SPAST: variants seen among roughly 807,000 people sequenced by gnomAD.
The protein encoded by SPAST is spastic paraplegia 4 (autosomal dominant; spastin).
In SPAST, 30 loss-of-function variants were observed where a neutral mutation model predicts 76.6. The ratio of observed to expected loss-of-function variants is 0.39; its 90% CI spans 0.29 to 0.53. The LOEUF is 0.53. SPAST is among the 20% of genes least tolerant of loss of function. The pLI is 0.68. For synonymous variants in SPAST, 305 were observed against 281.0 expected (o/e 1.09, Z -0.86); for missense variants, 717 against 770.5 (o/e 0.93, Z 0.82).
At chr2:32,123,155 A>G (rs935780749) in intron 7 of SPAST, among the ~76,000 whole-genome samples, 1 of 151,970 alleles carries the variant, frequency 6.6e-6, no homozygotes, top group East Asian at 1.9e-4. Flanking sequence ...TCAGCTACTC[A>G]GGAGGCTGAG....
intron 1 of SPAST, among the ~76,000 whole-genome samples, chr2:32,070,710 G>A (rs1321157661): frequency 6.6e-6 from 1 of 152,130 alleles, no homozygotes; most frequent in African/African-American, 2.4e-5. Flanking sequence ...GCTCATTGAA[G>A]CTTCAGCCTC....
rs555545250 is a variant in SPAST, at chr2:32,156,433, A to C, written c.*1937A>C. The stretch of plus-strand genomic sequence containing the variant: ...GACTTTGGAACTCCCTGAATAATAA[A>C]AATGAGAGTTGAGATAAATAGGGGA... On this transcript the variant is annotated 3_prime_UTR_variant, in exon 17 of 17. Transcript: ENST00000315285. 1 of 152,316 alleles carries C rather than the reference A, an allele frequency of 6.6e-6. No homozygotes were observed. Among genetic ancestry groups the C allele is most frequent in the African/African-American group, 2.4e-5 (1 of 41,580 alleles). The allele number at this position is 152,316 out of a possible 1,614,324, so 9.4% of individuals were successfully genotyped here.
intron 1 of SPAST, among the ~76,000 whole-genome samples, chr2:32,083,671 ATAT>A (rs1677327583): frequency 7.2e-6 from 1 of 138,078 alleles, no homozygotes; most frequent in East Asian, 2.0e-4. Context: ...ATATATATAT[ATAT>A]ATTTTTATGC....
rs1678015793 is a variant in SPAST at position 32,098,847 on chromosome 2, A to G, written c.638A>G (p.Asn213Ser). The G allele has an allele frequency of 1.9e-6, 3 of 1,613,942 alleles. No individual in the cohort carries two copies. The highest frequency in any genetic ancestry group is 2.5e-6 in the Non-Finnish European group (3 of 1,179,892). Residue 213 changes from asparagine to serine, a missense_variant, in exon 4 of 17, where the codon AAT becomes AGT. Asn to Ser is a conservative substitution (Grantham distance 46, BLOSUM62 1). Around this residue, in one of 3 missense-constraint regions of SPAST, gnomAD observed 543 missense variants for 445.2 expected, o/e 1.22. Transcript: ENST00000315285. ...TCCAAGTCACAAACGGACGTCTATAATGACAGTACTAACTTGGCATGCCGC... is the reference window on the plus strand; with the variant it reads ...TCCAAGTCACAAACGGACGTCTATAGTGACAGTACTAACTTGGCATGCCGC... ...PFSKSQTDVYNDSTNLACRNG... is the reference protein window; with the variant it reads ...PFSKSQTDVYSDSTNLACRNG...
At chr2:32,072,691 G>C (rs1039990739) in intron 1 of SPAST, among the ~76,000 whole-genome samples, 1 of 152,024 alleles carries the variant, frequency 6.6e-6, no homozygotes, top group Admixed American at 6.6e-5. Context: ...ATTCAATATT[G>C]TACTTTATTT....
intron 7 of SPAST, among the ~76,000 whole-genome samples, chr2:32,121,980 C>T (rs878858386): frequency 6.6e-5 from 10 of 152,112 alleles, no homozygotes; most frequent in African/African-American, 4.8e-5. Context: ...ATATTGGAAG[C>T]TTCTCTCAAA....
Position 32,063,973 on chromosome 2 carries a change from C to G in SPAST, c.142C>G (p.Arg48Gly). ...PAPPPESPHKRNLYYFSYPLF... is the reference protein window; with the variant it reads ...PAPPPESPHKGNLYYFSYPLF... ...CCCTCCGCCCGAGTCGCCGCATAAGCGGAACCTGTACTATTTCTCCTACCC... is the reference window on the plus strand; with the variant it reads ...CCCTCCGCCCGAGTCGCCGCATAAGGGGAACCTGTACTATTTCTCCTACCC... Residue 48 changes from arginine to glycine, a missense_variant, in exon 1 of 17, where the codon CGG becomes GGG. Around this residue, in one of 3 missense-constraint regions of SPAST, gnomAD observed 543 missense variants for 445.2 expected, o/e 1.22. Coordinates refer to ENST00000315285, the MANE Select transcript of SPAST (RefSeq NM_014946.4). 6.2e-7 allele frequency: 1 copy of G among 1,613,098 alleles called. No homozygotes were observed. Among genetic ancestry groups the G allele is most frequent in the Non-Finnish European group, 8.5e-7 (1 of 1,179,426 alleles).
rs535738871 is a variant in SPAST, at chr2:32,143,530, A to G, written c.1616+115A>G. On this transcript the variant is annotated intron_variant, in intron 14 of 16. Coordinates refer to ENST00000315285, the MANE Select transcript of SPAST (RefSeq NM_014946.4). ...TGAAATGAGTAATTCATTGATCAGAAGACTTTCTCTCATCCTCTACCTCCT... is the reference window on the plus strand; with the variant it reads ...TGAAATGAGTAATTCATTGATCAGAGGACTTTCTCTCATCCTCTACCTCCT... The G allele has an allele frequency of 1.5e-4, 105 of 702,746 alleles. No individual in the cohort carries two copies. In the South Asian group the frequency reaches 1.7e-3, roughly 11 times the overall value. The allele number at this position is 702,746 out of a possible 1,614,324, so 43.5% of individuals were successfully genotyped here.
rs573349176 is a variant in SPAST, at chr2:32,078,798, T to A, written c.416-8694T>A. 5.3e-5 allele frequency among the ~76,000 whole-genome samples: 8 copies of A among 152,268 alleles called. No individual in the cohort carries two copies. In the South Asian group the frequency reaches 1.5e-3, roughly 28 times the overall value. ...TCAGAGAAAAAAATATGCAAAACAA[T>A]TTGCAATCTTTTTCACTTACCATAT... On this transcript the variant is annotated intron_variant, in intron 1 of 16. Coordinates refer to ENST00000315285, the MANE Select transcript of SPAST (RefSeq NM_014946.4).
chr2:32,121,780 G>A (rs1356166017), intron 7 of SPAST, among the ~76,000 whole-genome samples: 1 of 152,008 alleles, frequency 6.6e-6, no homozygotes, highest in East Asian at 1.9e-4. Flanking sequence ...CTGACCTCAG[G>A]TGATCCACCT....
intron 7 of SPAST, among the ~76,000 whole-genome samples, chr2:32,116,791 G>C (rs1038765154): frequency 1.3e-5 from 2 of 152,132 alleles, no homozygotes; most frequent in African/African-American, 4.8e-5. Flanking sequence ...AGGTGAGAGA[G>C]ATTTAAAATT....
Position 32,154,572 on chromosome 2 carries a change from T to A in SPAST, c.*76T>A. 6.9e-7 allele frequency: 1 copy of A among 1,458,550 alleles called. No individual in the cohort carries two copies. Among genetic ancestry groups the A allele is most frequent in the African/African-American group, 1.4e-5 (1 of 71,922 alleles). 90.4% of individuals were successfully genotyped at this position (1,458,550 alleles called of 1,614,324 possible). ...AAGATCTTCAATGAACGTCATCGGCTACAGAAACAGCCTAAGTTTACAGGA... is the reference window on the plus strand; with the variant it reads ...AAGATCTTCAATGAACGTCATCGGCAACAGAAACAGCCTAAGTTTACAGGA... On this transcript the variant is annotated 3_prime_UTR_variant, in exon 17 of 17. Transcript: ENST00000315285.
At chr2:32,133,963 CTA>C (rs963676708) in intron 9 of SPAST, among the ~76,000 whole-genome samples, 2 of 152,080 alleles carry the variant, frequency 1.3e-5, no homozygotes, top group African/African-American at 2.4e-5. Context: ...TTAAAAGTAA[CTA>C]TAAAATAGTA....
At chr2:32,142,036 G>C (rs1679738104) in intron 13 of SPAST, 90 bp downstream of exon 13, 1 of 1,013,912 alleles carries the variant, frequency 9.9e-7, no homozygotes, top group Non-Finnish European at 1.5e-6. Flanking sequence ...CCATGGTACA[G>C]CTACTTTGGA....
At chr2:32,139,886 G>A (rs1050774122) in intron 12 of SPAST, among the ~76,000 whole-genome samples, 1 of 150,990 alleles carries the variant, frequency 6.6e-6, no homozygotes, top group Non-Finnish European at 1.5e-5. Flanking sequence ...CTAGGAATAC[G>A]GCTGATGAAG....
chr2:32,135,975 T>G (rs1679522580), intron 9 of SPAST, among the ~76,000 whole-genome samples: 2 of 151,444 alleles, frequency 1.3e-5, no homozygotes, highest in Admixed American at 1.3e-4. Flanking sequence ...CTACCTGGGA[T>G]GTTGAGGGAT....
chr2:32,065,533 C>G (rs1320005137), intron 1 of SPAST, among the ~76,000 whole-genome samples: 1 of 152,092 alleles, frequency 6.6e-6, no homozygotes, highest in South Asian at 2.1e-4. Flanking sequence ...TATTCCAAAC[C>G]TGTGCTAATA....
At chr2:32,143,677 C>T (rs1413226737) in intron 14 of SPAST, among the ~76,000 whole-genome samples, 1 of 152,022 alleles carries the variant, frequency 6.6e-6, no homozygotes, top group Non-Finnish European at 1.5e-5. Flanking sequence ...TTATTAAAAC[C>T]TGTAAGTGGT....
chr2:32,081,790 A>AAAAAAAAAAAAC (rs1677238277), intron 1 of SPAST, among the ~76,000 whole-genome samples: 1 of 148,058 alleles, frequency 6.8e-6, no homozygotes, highest in Non-Finnish European at 1.5e-5. Context: ...TCAAAAAAAA[A>AAAAAAAAAAAAC]AAAAAAAAAA....
Sources: allele counts gnomAD v4.1 joint callset (sites outside exome capture counted in the v4.1 genomes callset), GRCh38; gene constraint gnomAD v4.1.1; regional missense constraint gnomAD v4.1.1; transcripts MANE v1.5; gene names NCBI Gene and HGNC (gene_info 2026-07-23, HGNC 2026-07-21).